FILIP1: variants seen among roughly 807,000 people sequenced by gnomAD.
FILIP1 encodes filamin-A-interacting protein 1.
Under a neutral mutation model 102.1 loss-of-function variants are expected in FILIP1, and 61 were observed. The ratio of observed to expected loss-of-function variants is 0.60; its 90% CI spans 0.49 to 0.74. FILIP1 has a LOEUF of 0.74. Among genes scored for constraint, FILIP1 ranks in the 30% least tolerant of loss-of-function variants. FILIP1 has a pLI of 0.00. For synonymous variants in FILIP1, 491 were observed against 526.9 expected (o/e 0.93, Z 0.93); for missense variants, 1,314 against 1,441.2 (o/e 0.91, Z 1.43).
chr6:75,368,616 C>A (rs182666944), intron 2 of FILIP1, among the ~76,000 whole-genome samples: 132 of 152,238 alleles, frequency 8.7e-4, no homozygotes, highest in African/African-American at 2.9e-3. Context: ...ACAGAAGAGG[C>A]TTCCTGGATT....
At chr6:75,493,383 G>A (rs1582585990) in intron 1 of FILIP1, 31 bp downstream of exon 1, 1 of 152,212 alleles carries the variant, frequency 6.6e-6, no homozygotes, top group Admixed American at 6.5e-5. Flanking sequence ...TATTTCTTAA[G>A]AGAGTAAGTA....
At chr6:75,346,636 C>G (rs1774595979) in intron 4 of FILIP1, among the ~76,000 whole-genome samples, 1 of 152,130 alleles carries the variant, frequency 6.6e-6, no homozygotes, top group Non-Finnish European at 1.5e-5. Context: ...CTTCCCAACC[C>G]CGGGAAGCTA....
At chr6:75,409,962 C>A (rs1398975489) in intron 2 of FILIP1, among the ~76,000 whole-genome samples, 1 of 152,174 alleles carries the variant, frequency 6.6e-6, no homozygotes, top group Non-Finnish European at 1.5e-5. Flanking sequence ...ATCCATAAGA[C>A]CTTAGCCCCT....
chr6:75,311,499 G>A (rs922071656), intron 5 of FILIP1, among the ~76,000 whole-genome samples: 3 of 147,882 alleles, frequency 2.0e-5, no homozygotes, highest in African/African-American at 7.5e-5. Flanking sequence ...TTGTTTGTTT[G>A]TTTGCTTGTT....
chr6:75,404,239 A>AAAAAC lies in FILIP1; in HGVS notation c.276+10453_276+10457dup, dbSNP rs1021909801. 4.6e-5 allele frequency among the ~76,000 whole-genome samples: 7 copies of AAAAAC among 152,088 alleles called. No homozygotes were observed. In the East Asian group the frequency reaches 7.7e-4, roughly 17 times the overall value. On this transcript the variant is annotated intron_variant, in intron 2 of 5. Transcript: ENST00000237172. ...TGAGCAATATAGCAAGATTGTCCCC[A>AAAAAC]AAAACAAAACAAAACAAAACAACAC...
At chr6:75,407,233 A>AT (rs942870406) in intron 2 of FILIP1, among the ~76,000 whole-genome samples, 25 of 149,436 alleles carry the variant, frequency 1.7e-4, no homozygotes, top group South Asian at 8.5e-4. Flanking sequence ...TAAATTTTTT[A>AT]TTTTTTTTTT....
chr6:75,354,463 C>T (rs1208276218), intron 3 of FILIP1, among the ~76,000 whole-genome samples: 1 of 148,766 alleles, frequency 6.7e-6, no homozygotes, highest in South Asian at 2.1e-4. Flanking sequence ...CCCAGCTACT[C>T]GGGAGGCTGA....
intron 2 of FILIP1, among the ~76,000 whole-genome samples, chr6:75,411,147 C>T (rs538207067): frequency 3.9e-5 from 6 of 152,244 alleles, no homozygotes; most frequent in South Asian, 2.1e-4. Flanking sequence ...ACTGTGGTTT[C>T]GATTTGCATT....
At chr6:75,410,660 G>T (rs553030469) in intron 2 of FILIP1, among the ~76,000 whole-genome samples, 58 of 152,238 alleles carry the variant, frequency 3.8e-4, no homozygotes, top group African/African-American at 1.4e-3. Flanking sequence ...TCGGTTGTCT[G>T]TTCCTGTGTT....
At chr6:75,417,858 T>C (rs1443195110) in intron 1 of FILIP1, among the ~76,000 whole-genome samples, 1 of 152,160 alleles carries the variant, frequency 6.6e-6, no homozygotes. Context: ...TTCTTAAACA[T>C]ATGCTAATTG....
intron 3 of FILIP1, among the ~76,000 whole-genome samples, chr6:75,354,695 G>A (rs572658294): frequency 8.6e-5 from 13 of 151,756 alleles, no homozygotes; most frequent in Non-Finnish European, 1.6e-4. Flanking sequence ...TTGGTCATTT[G>A]GGTTCCTAAA....
chr6:75,319,975 G>A, intron 4 of FILIP1: 1 of 375,858 alleles, frequency 2.7e-6, no homozygotes, highest in Non-Finnish European at 4.8e-6. Flanking sequence ...GATCTCCATT[G>A]CCCATGTTTA....
intron 1 of FILIP1, among the ~76,000 whole-genome samples, chr6:75,439,710 G>A (rs1778143846): frequency 6.6e-6 from 1 of 152,188 alleles, no homozygotes; most frequent in Admixed American, 6.5e-5. Flanking sequence ...GAGAGCAAGT[G>A]TCATATTATT....
Position 75,313,967 on chromosome 6 carries a change from G to T in FILIP1, c.1865C>A (p.Thr622Asn). The T allele has an allele frequency of 6.2e-7, 1 of 1,602,796 alleles. No individual in the cohort carries two copies. Among genetic ancestry groups the T allele is most frequent in the Non-Finnish European group, 8.5e-7 (1 of 1,175,540 alleles). Residue 622 changes from threonine (T) to asparagine (N), a missense_variant, in exon 5 of 6, where the codon ACC (threonine) becomes AAC (asparagine). Physicochemically the swap from Thr to Asn is moderately conservative, Grantham distance 65. Around this residue, in one of 3 missense-constraint regions of FILIP1, gnomAD observed 816 missense variants for 913.1 expected, o/e 0.89. Transcript: ENST00000237172. This position sits in a 1 kb window ranked among gnomAD's most constrained non-coding sequence, Gnocchi z 4.2. The part of the protein sequence containing the change: ...RGRSRKGSEL[T>N]CPEDNKIKEL... ...CTTAATCTTATTATCTTCCGGGCAGGTGAGCTCAGACCCTTTTCGTGACCT... is the reference window on the plus strand; with the variant it reads ...CTTAATCTTATTATCTTCCGGGCAGTTGAGCTCAGACCCTTTTCGTGACCT...
intron 3 of FILIP1, 133 bp from the exon 4 acceptor site, chr6:75,353,850 TC>T: frequency 2.5e-6 from 2 of 808,220 alleles, no homozygotes; most frequent in Non-Finnish European, 1.9e-6. Flanking sequence ...CACCACCATT[TC>T]CCCCATTGTA....
At chr6:75,447,863 T>A (rs931251012) in intron 1 of FILIP1, among the ~76,000 whole-genome samples, 39 of 152,100 alleles carry the variant, frequency 2.6e-4, no homozygotes, top group African/African-American at 9.4e-4. Context: ...AAATCAGACC[T>A]CTTTTCCCAT....
At chr6:75,433,180 T>C (rs1361631888) in intron 1 of FILIP1, among the ~76,000 whole-genome samples, 2 of 152,272 alleles carry the variant, frequency 1.3e-5, no homozygotes, top group African/African-American at 4.8e-5. Context: ...TATAATCCTT[T>C]GGGTATATAC....
chr6:75,476,240 CAAA>C (rs66500271), intron 1 of FILIP1, among the ~76,000 whole-genome samples: 25 of 122,648 alleles, frequency 2.0e-4, no homozygotes, highest in South Asian at 1.0e-3. Flanking sequence ...GACTCCATCT[CAAA>C]AAAAAAAAAA....
At chr6:75,398,808 G>C (rs1057469400) in intron 2 of FILIP1, 11 of 151,922 alleles carry the variant, frequency 7.2e-5, no homozygotes, top group African/African-American at 2.7e-4. Flanking sequence ...TACATGAATA[G>C]TGTAAGCCAG....
Sources: gnomAD v4.1 joint callset for allele counts (sites outside exome capture counted in the v4.1 genomes callset) on GRCh38, gnomAD v4.1.1 for gene constraint, gnomAD v4.1.1 regional missense constraint, Gnocchi (gnomAD v3.1) non-coding constraint, MANE v1.5 for transcripts, NCBI Gene and HGNC (gene_info 2026-07-23, HGNC 2026-07-21) for gene names.